The following TOP6BL variants were observed in gnomAD, a reference collection of about 807,000 sequenced individuals.
The protein encoded by TOP6BL is TOP6B like initiator of meiotic double strand breaks.
chr11:66,812,301 C>G, the TOP6BL span, among the ~76,000 whole-genome samples: 2 of 151,682 alleles, frequency 1.3e-5, no homozygotes, highest in African/African-American at 4.8e-5. Flanking sequence ...CTCAGCCTCC[C>G]TAGTAGCTGG....
At chr11:66,758,754 C>T in the TOP6BL span, among the ~76,000 whole-genome samples, 10 of 152,152 alleles carry the variant, frequency 6.6e-5, no homozygotes, top group Non-Finnish European at 1.0e-4. Context: ...CTTTTTCTGT[C>T]AAGTAGAGTA....
At chr11:66,813,774 T>G in the TOP6BL span, 2 of 1,226,676 alleles carry the variant, frequency 1.6e-6, no homozygotes, top group Non-Finnish European at 1.2e-6. Context: ...CTTATGGGAG[T>G]GTAAACCAGG....
At chr11:66,791,458 CAT>C in the TOP6BL span, among the ~76,000 whole-genome samples, 6 of 152,034 alleles carry the variant, frequency 3.9e-5, no homozygotes, top group East Asian at 1.9e-4. Context: ...TATGCACAAA[CAT>C]ATCTATATAT....
the TOP6BL span, among the ~76,000 whole-genome samples, chr11:66,763,818 T>A: frequency 3.5e-4 from 54 of 152,166 alleles, no homozygotes; most frequent in Non-Finnish European, 4.7e-4. Flanking sequence ...TTGCCCTGGC[T>A]GGTCTCAAAC....
the TOP6BL span, among the ~76,000 whole-genome samples, chr11:66,781,517 T>C: frequency 2.0e-5 from 3 of 152,280 alleles, no homozygotes; most frequent in Non-Finnish European, 4.4e-5. Context: ...AAATGTAATA[T>C]CTGTACCATA....
At chr11:66,748,759 C>G in the TOP6BL span, among the ~76,000 whole-genome samples, 2 of 151,284 alleles carry the variant, frequency 1.3e-5, no homozygotes, top group Admixed American at 6.6e-5. Flanking sequence ...GTTAAAATTG[C>G]TCAGAAACAA....
At chr11:66,843,348 CGT>C in the TOP6BL span, 9 of 1,455,644 alleles carry the variant, frequency 6.2e-6, no homozygotes, top group Non-Finnish European at 8.2e-6. Context: ...TCTGCTTCCG[CGT>C]CGGGCCCGGG....
the TOP6BL span, among the ~76,000 whole-genome samples, chr11:66,760,239 A>C: frequency 6.6e-6 from 1 of 150,514 alleles, no homozygotes; most frequent in Non-Finnish European, 1.5e-5. Flanking sequence ...TACCTAGGTC[A>C]GGAGTTCAAG....
At chr11:66,790,658 G>C in the TOP6BL span, among the ~76,000 whole-genome samples, 1 of 152,166 alleles carries the variant, frequency 6.6e-6, no homozygotes, top group East Asian at 1.9e-4. Context: ...TTAACACCTT[G>C]GTGTACATCT....
the TOP6BL span, among the ~76,000 whole-genome samples, chr11:66,779,636 A>G: frequency 3.3e-5 from 5 of 152,290 alleles, no homozygotes; most frequent in African/African-American, 1.2e-4. Context: ...TAGAAATACC[A>G]TTTGACCCCG....
chr11:66,843,464 G>A, the TOP6BL span: 1 of 1,412,932 alleles, frequency 7.1e-7, no homozygotes, highest in Non-Finnish European at 9.1e-7. Flanking sequence ...CAATGGCGGC[G>A]CTGGGCGGGG....
chr11:66,745,989 G>GT, the TOP6BL span, among the ~76,000 whole-genome samples: 1 of 152,062 alleles, frequency 6.6e-6, no homozygotes, highest in African/African-American at 2.4e-5. Flanking sequence ...TTTTGTATTT[G>GT]TAGTAGAGAC....
chr11:66,843,499 C>T, the TOP6BL span: 10 of 1,485,548 alleles, frequency 6.7e-6, no homozygotes, highest in Middle Eastern at 2.3e-4. Context: ...CTGTCGGTGT[C>T]GCGGCCGGAG....
At chr11:66,828,104 CT>C in the TOP6BL span, among the ~76,000 whole-genome samples, 1 of 150,990 alleles carries the variant, frequency 6.6e-6, no homozygotes. Flanking sequence ...CTCAGGCCTT[CT>C]TTTTTTCTCT....
chr11:66,745,609 G>A, the TOP6BL span, among the ~76,000 whole-genome samples: 1 of 152,224 alleles, frequency 6.6e-6, no homozygotes, highest in Non-Finnish European at 1.5e-5. Context: ...GGTGACAGAA[G>A]CACAGGCTCT....
the TOP6BL span, among the ~76,000 whole-genome samples, chr11:66,815,339 C>T: frequency 2.6e-5 from 4 of 152,130 alleles, no homozygotes; most frequent in African/African-American, 9.7e-5. Context: ...CTCTAAAGGA[C>T]AGAACCAGGA....
the TOP6BL span, chr11:66,758,921 T>C: frequency 3.7e-6 from 2 of 545,584 alleles, no homozygotes; most frequent in Non-Finnish European, 6.3e-6. Flanking sequence ...ACCAAACTCA[T>C]TAGTAGTGGT....
the TOP6BL span, among the ~76,000 whole-genome samples, chr11:66,823,449 T>A: frequency 6.6e-6 from 1 of 152,200 alleles, no homozygotes; most frequent in African/African-American, 2.4e-5. Context: ...GTTGGAATAG[T>A]AGTATGTATA....
At chr11:66,813,732 CAAA>C in the TOP6BL span, 1,261 of 627,594 alleles carry the variant, frequency 2.0e-3, no homozygotes, top group South Asian at 4.8e-3. Flanking sequence ...GACTCCATCT[CAAA>C]AAAAAAAAAA....
Sources: gnomAD v4.1 joint callset for allele counts (sites outside exome capture counted in the v4.1 genomes callset) on GRCh38, gnomAD v4.1.1 for gene constraint, MANE v1.5 for transcripts, NCBI Gene and HGNC (gene_info 2026-07-23, HGNC 2026-07-21) for gene names.